PCDH15: variants seen among roughly 807,000 people sequenced by gnomAD.
The protein encoded by PCDH15 is protocadherin-15.
PCDH15 carries 129 observed loss-of-function variants against 178.5 expected under a neutral mutation model. That is an observed-to-expected ratio of 0.72 (90% CI 0.63 to 0.84). The LOEUF is 0.84. PCDH15 is among the 40% of genes least tolerant of loss of function. PCDH15 has a pLI of 0.00. For synonymous variants in PCDH15, 800 were observed against 732.0 expected (o/e 1.09, Z -1.50); for missense variants, 2,230 against 2,099.9 (o/e 1.06, Z -1.21).
chr10:54,234,434 T>A (rs1329447004), intron 9 of PCDH15, among the ~76,000 whole-genome samples: 1 of 152,124 alleles, frequency 6.6e-6, no homozygotes, highest in Non-Finnish European at 1.5e-5. Context: ...ACGCCTGTAA[T>A]CCCAGAACTT....
intron 1 of PCDH15, among the ~76,000 whole-genome samples, chr10:55,243,296 C>T (rs1841602170): frequency 6.6e-6 from 1 of 152,124 alleles, no homozygotes; most frequent in South Asian, 2.1e-4. Context: ...TTCAATATTG[C>T]ATAAATATTA....
At chr10:55,257,766 T>C (rs2489228) in intron 1 of PCDH15, among the ~76,000 whole-genome samples, 127,598 of 151,008 alleles carry the variant, frequency 0.84, 54,533 homozygotes, top group East Asian at 0.96. Flanking sequence ...CTGAAAGTGA[T>C]GGGGAGAATG....
At chr10:54,313,750 C>T (rs1282114754) in intron 8 of PCDH15, among the ~76,000 whole-genome samples, 1 of 152,118 alleles carries the variant, frequency 6.6e-6, no homozygotes, top group East Asian at 1.9e-4. Context: ...AACCTCTAGA[C>T]ATTATGATCA....
intron 6 of PCDH15, among the ~76,000 whole-genome samples, chr10:54,344,894 A>G (rs1487562505): frequency 7.7e-6 from 1 of 129,588 alleles, no homozygotes; most frequent in East Asian, 2.1e-4. Context: ...CCTCTTTTAG[A>G]GAAACAAAGC....
intron 2 of PCDH15, among the ~76,000 whole-genome samples, chr10:54,645,089 A>T (rs1333788808): frequency 6.6e-6 from 1 of 152,208 alleles, no homozygotes; most frequent in African/African-American, 2.4e-5. Flanking sequence ...TGACTAGGGC[A>T]TGTAAATATT....
In PCDH15 at chr10:55,411,823, T is replaced by C. The variant is rs1838340814; in HGVS notation, c.-156+215802A>G. ...TGTCTTAGGCATAATTTGTGTCTCCTTCACAGATAATCCTGCAGTTAGGTA... is the reference window on the plus strand; with the variant it reads ...TGTCTTAGGCATAATTTGTGTCTCCCTCACAGATAATCCTGCAGTTAGGTA... On this transcript the variant is annotated intron_variant, in intron 2 of 5. Transcript: ENST00000613346. Among the ~76,000 whole-genome samples, 2 of 152,038 alleles carry C rather than the reference T, an allele frequency of 1.3e-5. 1 individual carries two copies. The highest frequency in any genetic ancestry group is 2.9e-5 in the Non-Finnish European group (2 of 67,990).
At chr10:54,030,549 A>G (rs2093263657) in intron 18 of PCDH15, among the ~76,000 whole-genome samples, 1 of 152,068 alleles carries the variant, frequency 6.6e-6, no homozygotes, top group South Asian at 2.1e-4. Context: ...GATAACTTGC[A>G]TAACTTGAAT....
rs577443370 is a variant in PCDH15, at chr10:53,969,260, G to T, written c.2869-7368C>A. 6.0e-4 allele frequency among the ~76,000 whole-genome samples: 92 copies of T among 152,308 alleles called. 2 individuals carry two copies. The Middle Eastern group carries it at 0.02, about 34-fold the overall frequency. The stretch of plus-strand genomic sequence containing the variant: ...ATCAAGTGGAAGAAAGGGTATCAGT[G>T]ATTGAAGATCAAATGAATGAAATGA... On this transcript the variant is annotated intron_variant, in intron 21 of 37. Coordinates refer to ENST00000644397, the MANE Select transcript of PCDH15 (RefSeq NM_001384140.1).
chr10:54,045,392 C>A lies in PCDH15; in HGVS notation c.2220+21365G>T, dbSNP rs150685414. Among the ~76,000 whole-genome samples the A allele has an allele frequency of 4.1e-3, 624 of 152,096 alleles. 2 individuals are homozygous for A. Among genetic ancestry groups the A allele is most frequent in the African/African-American group, 0.014 (587 of 41,500 alleles). On this transcript the variant is annotated intron_variant, in intron 18 of 37. Coordinates refer to ENST00000644397, the MANE Select transcript of PCDH15 (RefSeq NM_001384140.1). ...CAGTAGAAATTATTGGCTCTTTATG[C>A]CAACAAATCACAAAGTACAGAAAGA... is the stretch of plus-strand genomic sequence containing the variant.
At chr10:55,170,009 AAAG>A (rs1839289855) in intron 1 of PCDH15, among the ~76,000 whole-genome samples, 1 of 146,972 alleles carries the variant, frequency 6.8e-6, no homozygotes, top group Non-Finnish European at 1.5e-5. Flanking sequence ...GGAAGGAAGG[AAAG>A]GAGGAGGAAG....
chr10:54,100,091 G>A (rs2094781158), intron 15 of PCDH15, among the ~76,000 whole-genome samples: 1 of 152,056 alleles, frequency 6.6e-6, no homozygotes, highest in African/African-American at 2.4e-5. Flanking sequence ...TCAGTGGTCG[G>A]GCATGGTGGC....
chr10:55,051,749 T>TA (rs1431005571), intron 2 of PCDH15, among the ~76,000 whole-genome samples: 1 of 152,202 alleles, frequency 6.6e-6, no homozygotes, highest in Non-Finnish European at 1.5e-5. Flanking sequence ...CAAAGTCAGA[T>TA]AGTGACAGAG....
At chr10:54,571,333 GAAAAAAAA>G (rs60604711) in intron 2 of PCDH15, among the ~76,000 whole-genome samples, 1,680 of 128,416 alleles carry the variant, frequency 0.013, 23 homozygotes, top group African/African-American at 0.029. Context: ...GACAAAATTT[GAAAAAAAA>G]AAAAAAAAAA....
intron 8 of PCDH15, among the ~76,000 whole-genome samples, chr10:54,295,742 A>C (rs550043556): frequency 1.4e-4 from 21 of 152,294 alleles, no homozygotes; most frequent in African/African-American, 4.6e-4. Flanking sequence ...GCAACCACGA[A>C]GGGATAATCA....
At chr10:54,071,649 G>C (rs1253554109) in intron 17 of PCDH15, among the ~76,000 whole-genome samples, 1 of 152,038 alleles carries the variant, frequency 6.6e-6, no homozygotes, top group African/African-American at 2.4e-5. Context: ...CATGGTTTAA[G>C]AAACATGTAT....
At chr10:54,965,668 T>C (rs1364320854) in intron 2 of PCDH15, among the ~76,000 whole-genome samples, 1 of 138,564 alleles carries the variant, frequency 7.2e-6, no homozygotes, top group Non-Finnish European at 1.5e-5. Flanking sequence ...GCTTGCTATG[T>C]CTTTGAAAAG....
chr10:55,107,548 A>G (rs1591908622), intron 2 of PCDH15, among the ~76,000 whole-genome samples: 1 of 134,022 alleles, frequency 7.5e-6, no homozygotes, highest in Admixed American at 8.6e-5. Context: ...CTGGAGTGCA[A>G]TGGCACGATC....
chr10:54,374,890 A>G (rs149693559), intron 4 of PCDH15, among the ~76,000 whole-genome samples: 2 of 152,126 alleles, frequency 1.3e-5, no homozygotes, highest in East Asian at 3.9e-4. Context: ...CATGAAGATC[A>G]TGTTTATCAG....
At chr10:54,280,199 G>A (rs939683544) in intron 8 of PCDH15, among the ~76,000 whole-genome samples, 1 of 151,472 alleles carries the variant, frequency 6.6e-6, no homozygotes, top group Admixed American at 6.6e-5. Flanking sequence ...TTCCTTTTAA[G>A]TAACTTCGCA....
Sources: allele counts gnomAD v4.1 joint callset (sites outside exome capture counted in the v4.1 genomes callset), GRCh38; gene constraint gnomAD v4.1.1; transcripts MANE v1.5; gene names NCBI Gene and HGNC (gene_info 2026-07-23, HGNC 2026-07-21).